ADAMTSL1: variants seen among roughly 807,000 people sequenced by gnomAD.
ADAMTSL1 encodes ADAMTS-like protein 1.
A neutral mutation model predicts 201.8 loss-of-function variants in ADAMTSL1; 126 were observed. The ratio of observed to expected loss-of-function variants is 0.62; its 90% CI spans 0.54 to 0.72. The LOEUF is 0.72. Ranked by LOEUF, ADAMTSL1 falls within the 30% of genes least tolerant of loss-of-function variation. The pLI is 0.00. For missense variants in ADAMTSL1, 2,679 were observed against 2,277.8 expected, an observed-to-expected ratio of 1.18 and a Z score of -3.59; for synonymous variants, 1,121 against 903.4, an observed-to-expected ratio of 1.24 and a Z score of -4.32.
At chr9:18,212,538 G>A (rs898611896) in intron 2 of ADAMTSL1, among the ~76,000 whole-genome samples, 1 of 152,158 alleles carries the variant, frequency 6.6e-6, no homozygotes, top group Non-Finnish European at 1.5e-5. Flanking sequence ...AGACTGGATT[G>A]GCCAGGCTGA....
rs550978123 is a variant in ADAMTSL1, at chr9:18,657,759, G to A, written c.946+9G>A. The A allele has an allele frequency of 1.9e-6, 3 of 1,603,692 alleles. No homozygotes were observed. Among genetic ancestry groups the A allele is most frequent in the South Asian group, 1.1e-5 (1 of 90,870 alleles). On this transcript the variant is annotated intron_variant, in intron 8 of 28. Transcript: ENST00000380548. ...AGCAACCTGTGGAGGAGGTAATGGT[G>A]TTCACTTAGTCTAAAAACTGTTGGC...
chr9:18,471,407 C>T (rs924102380), upstream of ADAMTSL1, among the ~76,000 whole-genome samples: 7 of 152,094 alleles, frequency 4.6e-5, no homozygotes, highest in African/African-American at 9.7e-5. Context: ...TCAGTTTCCA[C>T]GTACATAAAA....
chr9:18,165,865 C>T (rs548741364), intron 2 of ADAMTSL1, among the ~76,000 whole-genome samples: 10 of 151,824 alleles, frequency 6.6e-5, no homozygotes, highest in Non-Finnish European at 1.5e-4. Flanking sequence ...GATGAATCGC[C>T]GTAATCTCCG....
chr9:18,839,199 A>C (rs1264308695), intron 23 of ADAMTSL1, among the ~76,000 whole-genome samples: 6 of 95,342 alleles, frequency 6.3e-5, no homozygotes, highest in Non-Finnish European at 7.9e-5. Flanking sequence ...CCACCCCACA[A>C]CAGTCCCCAG....
intron 1 of ADAMTSL1, among the ~76,000 whole-genome samples, chr9:18,076,317 C>T (rs1049853616): frequency 3.9e-5 from 6 of 152,190 alleles, no homozygotes; most frequent in African/African-American, 1.4e-4. Context: ...TTACTGAGTT[C>T]CTTCTGTAGT....
At chr9:18,624,382 G>A (rs1826229253) in intron 5 of ADAMTSL1, among the ~76,000 whole-genome samples, 1 of 152,134 alleles carries the variant, frequency 6.6e-6, no homozygotes, top group African/African-American at 2.4e-5. Flanking sequence ...ATCATGGTTG[G>A]ATGTTAGAAA....
intron 15 of ADAMTSL1, among the ~76,000 whole-genome samples, chr9:18,726,872 A>G (rs1037829904): frequency 6.6e-6 from 1 of 152,180 alleles, no homozygotes; most frequent in African/African-American, 2.4e-5. Flanking sequence ...AATTCCAGGA[A>G]CAGTACTTGG....
chr9:18,206,367 G>C (rs1398888534), intron 2 of ADAMTSL1, among the ~76,000 whole-genome samples: 1 of 152,128 alleles, frequency 6.6e-6, no homozygotes, highest in East Asian at 1.9e-4. Context: ...AGAGCAGCAT[G>C]TCTGCTGCTC....
chr9:18,805,502 G>A (rs1823054445), intron 20 of ADAMTSL1, among the ~76,000 whole-genome samples: 1 of 152,162 alleles, frequency 6.6e-6, no homozygotes, highest in South Asian at 2.1e-4. Flanking sequence ...CAAACTTCCT[G>A]CTGTGCTAAG....
chr9:18,394,022 T>C (rs1817645475), intron 2 of ADAMTSL1, among the ~76,000 whole-genome samples: 2 of 152,214 alleles, frequency 1.3e-5, no homozygotes, highest in African/African-American at 4.8e-5. Context: ...ATGATGATCA[T>C]GGAAAGTAAT....
Position 18,655,806 on chromosome 9 carries a change from T to TAAAAAAAAAAAAAAAAA in ADAMTSL1, c.835-1818_835-1802dup, listed in dbSNP as rs56662538. 3.0e-3 allele frequency among the ~76,000 whole-genome samples: 249 copies of TAAAAAAAAAAAAAAAAA among 81,838 alleles called. 9 individuals are homozygous for TAAAAAAAAAAAAAAAAA. Among genetic ancestry groups the TAAAAAAAAAAAAAAAAA allele is most frequent in the African/African-American group, 6.6e-3 (99 of 15,104 alleles). 53.7% of individuals were successfully genotyped at this position (81,838 alleles called of 152,430 possible). A position where few individuals can be genotyped will look rare whatever the true frequency, so the allele number is the denominator to read the frequency against. On this transcript the variant is annotated intron_variant, in intron 7 of 28. Transcript: ENST00000380548. The stretch of plus-strand genomic sequence containing the variant: ...AGAGAGCTAGAGGCTTTTGTGAGCT[T>TAAAAAAAAAAAAAAAAA]AAAAAAAAAAAAAAAAAAAAAAAAA...
At chr9:18,678,479 T>C (rs973860013) in intron 10 of ADAMTSL1, among the ~76,000 whole-genome samples, 3 of 152,094 alleles carry the variant, frequency 2.0e-5, no homozygotes, top group African/African-American at 7.2e-5. Flanking sequence ...GCTGGGACCA[T>C]AGTATAAATT....
chr9:18,643,383 T>G (rs796660341), intron 7 of ADAMTSL1, among the ~76,000 whole-genome samples: 33 of 152,252 alleles, frequency 2.2e-4, no homozygotes, highest in African/African-American at 7.0e-4. Context: ...TTCACTCTGT[T>G]GATTGTTTCC....
At chr9:18,585,897 C>T (rs879551539) in intron 4 of ADAMTSL1, among the ~76,000 whole-genome samples, 1 of 152,080 alleles carries the variant, frequency 6.6e-6, no homozygotes, top group Non-Finnish European at 1.5e-5. Context: ...AACATCTCTT[C>T]TTGTTAAAAA....
intron 2 of ADAMTSL1, among the ~76,000 whole-genome samples, chr9:18,413,751 G>A (rs545562515): frequency 6.6e-6 from 1 of 152,158 alleles, no homozygotes; most frequent in African/African-American, 2.4e-5. Context: ...TCAAAGTCTT[G>A]GTTGTAAAGT....
chr9:18,074,432 C>CT (rs1199750323), intron 1 of ADAMTSL1, among the ~76,000 whole-genome samples: 1 of 151,814 alleles, frequency 6.6e-6, no homozygotes, highest in Non-Finnish European at 1.5e-5. Context: ...CACTTTGGCC[C>CT]TTTTTTGTTT....
intron 2 of ADAMTSL1, among the ~76,000 whole-genome samples, chr9:18,292,385 C>T (rs10511640): frequency 6.6e-6 from 1 of 151,948 alleles, no homozygotes; most frequent in Non-Finnish European, 1.5e-5. Context: ...AAGAAACTAT[C>T]GTGGTAGGCA....
At chr9:18,105,922 C>T (rs148908324) in intron 1 of ADAMTSL1, among the ~76,000 whole-genome samples, 292 of 152,262 alleles carry the variant, frequency 1.9e-3, no homozygotes, top group Middle Eastern at 3.4e-3. Flanking sequence ...ATAACTCAGC[C>T]GAAGAACAGG....
chr9:18,550,378 A>T (rs1820724470), intron 3 of ADAMTSL1, among the ~76,000 whole-genome samples: 1 of 151,910 alleles, frequency 6.6e-6, no homozygotes, highest in Non-Finnish European at 1.5e-5. Context: ...GGCAGAAATG[A>T]TTGTAGCAAA....
Sources: gnomAD v4.1 joint callset for allele counts (sites outside exome capture counted in the v4.1 genomes callset) on GRCh38, gnomAD v4.1.1 for gene constraint, MANE v1.5 for transcripts, NCBI Gene and HGNC (gene_info 2026-07-23, HGNC 2026-07-21) for gene names.